Variants in GAREM2 observed in about 807,000 individuals in gnomAD.
GAREM2 encodes GRB2-associated and regulator of MAPK protein 2.
GAREM2 carries 30 observed loss-of-function variants against 55.6 expected under a neutral mutation model. The ratio of observed to expected loss-of-function variants is 0.54; its 90% CI spans 0.40 to 0.73. The LOEUF (loss-of-function observed/expected upper bound fraction) is 0.73. GAREM2 is among the 30% of genes least tolerant of loss of function. GAREM2 has a pLI of 0.00. For synonymous variants in GAREM2, 550 were observed against 569.1 expected (o/e 0.97, Z 0.48); for missense variants, 1,075 against 1,257.7 (o/e 0.85, Z 2.20).
chr2:26,193,126 G>C (rs79247845), downstream of GAREM2, among the ~76,000 whole-genome samples: 1 of 151,926 alleles, frequency 6.6e-6, no homozygotes, highest in Admixed American at 6.6e-5. Context: ...GGTAAAGCCC[G>C]GATGCAGAGC....
chr2:26,175,891 T>C lies in GAREM2; in HGVS notation c.113-453T>C, dbSNP rs150817656. 7.9e-3 allele frequency among the ~76,000 whole-genome samples: 1,196 copies of C among 152,252 alleles called. 15 individuals are homozygous for C. The highest frequency in any genetic ancestry group is 0.027 in the Middle Eastern group (8 of 294). ...ATCTCCTGCTCAATAAAGTCTCCCT[T>C]CGCCACCACACCCCCAGCTGGAGCC... On this transcript the variant is annotated intron_variant, in intron 1 of 5. Coordinates refer to ENST00000401533, the MANE Select transcript of GAREM2 (RefSeq NM_001168241.2).
Position 26,184,521 on chromosome 2 carries a change from G to A in GAREM2, c.673G>A (p.Glu225Lys). ...CATCTGCATGAACCACCGCACCAAC[G>A]AAAGCCTGAGCCTGCCCTTTCAGTG... ...CLICMNHRTN[E>K]SLSLPFQCQG... Residue 225 changes from glutamate to lysine, a missense_variant, in exon 4 of 6, where the codon GAA becomes AAA. Around this residue, in one of 6 missense-constraint regions of GAREM2, gnomAD observed 3 missense variants for 21.6 expected, o/e 0.14. Transcript: ENST00000401533. The A allele has an allele frequency of 1.9e-6, 3 of 1,546,788 alleles. No individual in the cohort carries two copies. The highest frequency in any genetic ancestry group is 1.7e-4 in the Middle Eastern group (1 of 5,982).
At position 26,186,313 on chromosome 2, in the gene GAREM2, C is replaced by A. The variant is rs1053896250; in HGVS notation, c.1553C>A (p.Ser518Tyr). The change falls in exon 5 of 6, where the codon TCC becomes TAC. Residue 518 changes from serine to tyrosine, a missense_variant. Coordinates refer to ENST00000401533, the MANE Select transcript of GAREM2 (RefSeq NM_001168241.2). ...TTCCCCAAGCTGCAGCCGGTACATTCCCCCAGCTCCAGCCTCTCCTACTAC... is the reference window on the plus strand; with the variant it reads ...TTCCCCAAGCTGCAGCCGGTACATTACCCCAGCTCCAGCCTCTCCTACTAC... ...PRFPKLQPVH[S>Y]PSSSLSYYSS... 1.9e-6 allele frequency: 3 copies of A among 1,551,488 alleles called. No homozygotes were observed. In the East Asian group the frequency reaches 7.3e-5, roughly 38 times the overall value.
chr2:26,174,873 A>C (rs919274815), intron 1 of GAREM2, among the ~76,000 whole-genome samples: 4 of 152,198 alleles, frequency 2.6e-5, no homozygotes, highest in African/African-American at 9.7e-5. Context: ...GTCATGAGCC[A>C]TGATTACTGC....
Position 26,187,616 on chromosome 2 carries a change from C to G in GAREM2, c.1984C>G (p.Pro662Ala). The G allele has an allele frequency of 6.5e-7, 1 of 1,549,610 alleles. No individual in the cohort carries two copies. The highest frequency in any genetic ancestry group is 8.7e-7 in the Non-Finnish European group (1 of 1,145,884). Residue 662 changes from proline to alanine, a missense_variant, in exon 6 of 6, where the codon CCT becomes GCT. Coordinates refer to ENST00000401533, the MANE Select transcript of GAREM2 (RefSeq NM_001168241.2). Reference protein sequence around the residue: ...TTSGPVATSGPAYSPGPASPG... With the variant: ...TTSGPVATSGAAYSPGPASPG... Reference sequence around the variant, plus strand: ...CTCGGGTCCTGTGGCTACCTCTGGCCCTGCGTATTCCCCAGGCCCAGCCTC... The same window carrying G: ...CTCGGGTCCTGTGGCTACCTCTGGCGCTGCGTATTCCCCAGGCCCAGCCTC...
At position 26,176,378 on chromosome 2, in the gene GAREM2, C is replaced by G; in HGVS notation, c.147C>G (p.Ile49Met). The G allele has an allele frequency of 2.6e-6, 4 of 1,549,400 alleles. No homozygotes were observed. The highest frequency in any genetic ancestry group is 3.5e-6 in the Non-Finnish European group (4 of 1,145,732). Residue 49 changes from isoleucine (I) to methionine (M), a missense_variant, in exon 2 of 6, where the codon ATC becomes ATG. Around this residue, in one of 6 missense-constraint regions of GAREM2, gnomAD observed 230 missense variants for 310.6 expected, o/e 0.74. Transcript: ENST00000401533. ...CCGAGGGCGTCAGTGAGCGAGACAT[C>G]CTGCTCATCCACTCCTGCCGGCAGT... ...EYAEGVSERD[I>M]LLIHSCRQWT...
chr2:26,182,803 G>C (rs1669095838), intron 2 of GAREM2, among the ~76,000 whole-genome samples, 164 bp from the exon 3 acceptor site: 1 of 152,174 alleles, frequency 6.6e-6, no homozygotes, highest in African/African-American at 2.4e-5. Flanking sequence ...CAGATGACCA[G>C]CCCCCTTCAG....
At chr2:26,189,765 TG>T (rs1669433543), downstream of GAREM2, 1 of 152,122 alleles carries the variant, frequency 6.6e-6, no homozygotes, top group Non-Finnish European at 1.5e-5. Context: ...GGAGGAATGA[TG>T]TGGGTGTGTG....
chr2:26,193,019 T>C (rs1412599176), downstream of GAREM2, among the ~76,000 whole-genome samples: 2 of 152,130 alleles, frequency 1.3e-5, no homozygotes, highest in Non-Finnish European at 2.9e-5. Context: ...CTGATTTTGC[T>C]GTTTTGCCAA....
chr2:26,173,889 G>T (rs1453752840), intron 1 of GAREM2, among the ~76,000 whole-genome samples: 1 of 152,142 alleles, frequency 6.6e-6, no homozygotes, highest in African/African-American at 2.4e-5. Flanking sequence ...CTGCTGCCCG[G>T]CGTGACCCCC....
the GAREM2 span, chr2:26,195,036 AGG>A: frequency 1.5e-6 from 2 of 1,363,618 alleles, no homozygotes; most frequent in African/African-American, 2.9e-5. Context: ...TGGAGGTAAA[AGG>A]AGTCTTATTA....
intron 2 of GAREM2, among the ~76,000 whole-genome samples, chr2:26,177,665 G>GT (rs1187894541): frequency 1.3e-5 from 2 of 151,948 alleles, no homozygotes; most frequent in African/African-American, 4.8e-5. Flanking sequence ...GTGTGTGTGT[G>GT]TTTTCTGTTG....
chr2:26,190,665 G>A (rs1404081739), downstream of GAREM2: 2 of 161,224 alleles, frequency 1.2e-5, no homozygotes, highest in African/African-American at 2.4e-5. Flanking sequence ...TTAATATCCC[G>A]GTACACCGTG....
intron 2 of GAREM2, chr2:26,182,357 G>A (rs565051678): frequency 2.0e-6 from 3 of 1,525,080 alleles, no homozygotes; most frequent in African/African-American, 2.8e-5. Flanking sequence ...TATTGGACCA[G>A]GGCAGGGTGT....
chr2:26,175,895 C>T (rs1044994991), intron 1 of GAREM2, among the ~76,000 whole-genome samples: 2 of 152,186 alleles, frequency 1.3e-5, no homozygotes, highest in Admixed American at 1.3e-4. Flanking sequence ...CTCCCTTCGC[C>T]ACCACACCCC....
Position 26,188,136 on chromosome 2 carries a change from G to T in GAREM2, c.2504G>T (p.Arg835Leu). Reference sequence around the variant, plus strand: ...GTGGTGAGCTTCTTTGCCCGAGAACGCATCGATGGTAGCATCTTTGTGCAG... The same window carrying T: ...GTGGTGAGCTTCTTTGCCCGAGAACTCATCGATGGTAGCATCTTTGTGCAG... Reference protein sequence around the residue: ...EDVVSFFARERIDGSIFVQLS... With the variant: ...EDVVSFFARELIDGSIFVQLS... Residue 835 changes from arginine (R) to leucine (L), a missense_variant, in exon 6 of 6, where the codon CGC (arginine) becomes CTC (leucine). Arg to Leu is a moderately radical substitution (Grantham distance 102). Coordinates refer to ENST00000401533, the MANE Select transcript of GAREM2 (RefSeq NM_001168241.2). The T allele has an allele frequency of 1.3e-6, 2 of 1,551,254 alleles. No individual in the cohort carries two copies. The highest frequency in any genetic ancestry group is 1.7e-6 in the Non-Finnish European group (2 of 1,146,732).
chr2:26,186,968 A>T (rs971734690), intron 5 of GAREM2, among the ~76,000 whole-genome samples: 2 of 152,204 alleles, frequency 1.3e-5, no homozygotes, highest in Non-Finnish European at 2.9e-5. Flanking sequence ...GAGCGAGAAC[A>T]CCATCTCAAA....
In GAREM2 at chr2:26,187,992, A is replaced by T. The variant is rs1669345300; in HGVS notation, c.2360A>T (p.Asp787Val). ...GAAGGGCCTCCTGCCAGTCCCCGGG[A>T]TGGAGCCACAGGCTTTGGAGTCCGA... ...RLEGPPASPR[D>V]GATGFGVRDA... The change falls in exon 6 of 6, where the codon GAT becomes GTT. Residue 787 changes from aspartate to valine, a missense_variant. Transcript: ENST00000401533. The T allele has an allele frequency of 2.0e-6, 3 of 1,470,046 alleles. No homozygotes were observed. Among genetic ancestry groups the T allele is most frequent in the Non-Finnish European group, 2.7e-6 (3 of 1,105,020 alleles). 91.1% of individuals were successfully genotyped at this position (1,470,046 alleles called of 1,614,324 possible).
At position 26,179,228 on chromosome 2, in the gene GAREM2, G is replaced by T. The variant is rs1668966921; in HGVS notation, c.253+2744G>T. 6.6e-6 allele frequency among the ~76,000 whole-genome samples: 1 copy of T among 152,152 alleles called. No individual in the cohort carries two copies. Among genetic ancestry groups the T allele is most frequent in the African/African-American group, 2.4e-5 (1 of 41,432 alleles). On this transcript the variant is annotated intron_variant, in intron 2 of 5. Transcript: ENST00000401533. This position sits in a 1 kb window ranked among gnomAD's most constrained non-coding sequence, Gnocchi z 4.7. Reference sequence around the variant, plus strand: ...CCCCTGGCCCTGCGGGAGGGGCCAGGCGTCTTCCCTGAGCATGGTGCCACT... The same window carrying T: ...CCCCTGGCCCTGCGGGAGGGGCCAGTCGTCTTCCCTGAGCATGGTGCCACT...
Sources: allele counts gnomAD v4.1 joint callset (sites outside exome capture counted in the v4.1 genomes callset), GRCh38; gene constraint gnomAD v4.1.1; regional missense constraint gnomAD v4.1.1; non-coding constraint Gnocchi (gnomAD v3.1); transcripts MANE v1.5; gene names NCBI Gene and HGNC (gene_info 2026-07-23, HGNC 2026-07-21).